SORCS2: variants seen among roughly 807,000 people sequenced by gnomAD.
SORCS2 encodes sortilin related VPS10 domain containing receptor 2.
In SORCS2, 100 loss-of-function variants were observed where a neutral mutation model predicts 141.6. The observed-to-expected ratio is 0.71, with a 90% CI of 0.60 to 0.83. The LOEUF is 0.83. SORCS2 is among the 40% of genes least tolerant of loss of function. SORCS2 has a pLI of 0.00. For synonymous variants in SORCS2, 789 were observed against 676.9 expected, an observed-to-expected ratio of 1.17 and a Z score of -2.57; for missense variants, 1,646 against 1,560.2, an observed-to-expected ratio of 1.05 and a Z score of -0.93.
At chr4:7,694,741 T>G (rs898602634) in intron 11 of SORCS2, among the ~76,000 whole-genome samples, 33 of 152,198 alleles carry the variant, frequency 2.2e-4, no homozygotes, top group African/African-American at 8.0e-4. Flanking sequence ...CACCTTTTGT[T>G]TGCCAGGCAC....
chr4:7,652,990 A>G (rs558780588), intron 4 of SORCS2, among the ~76,000 whole-genome samples: 1 of 149,954 alleles, frequency 6.7e-6, no homozygotes, highest in South Asian at 2.1e-4. Flanking sequence ...CCACAGGGAC[A>G]CCCTCCCAGG....
intron 3 of SORCS2, among the ~76,000 whole-genome samples, chr4:7,573,738 A>G (rs1011268938): frequency 2.6e-5 from 4 of 152,212 alleles, no homozygotes; most frequent in Non-Finnish European, 5.9e-5. Context: ...CACAGCACAT[A>G]GGACTAGGGG....
chr4:7,364,094 C>G (rs1377307688), intron 1 of SORCS2, among the ~76,000 whole-genome samples: 1 of 152,148 alleles, frequency 6.6e-6, no homozygotes, highest in East Asian at 1.9e-4. Flanking sequence ...ACCATTGTTA[C>G]TACCATCATC....
intron 2 of SORCS2, among the ~76,000 whole-genome samples, chr4:7,462,374 T>C (rs999901625): frequency 1.3e-5 from 2 of 152,208 alleles, no homozygotes; most frequent in South Asian, 4.1e-4. Flanking sequence ...ACGAAGGATC[T>C]AAAGACGGGC....
In SORCS2 at chr4:7,664,750, A is replaced by C. The variant is rs1271700721; in HGVS notation, c.1071+279A>C. Among the ~76,000 whole-genome samples, 2 of 152,014 alleles carry C rather than the reference A, an allele frequency of 1.3e-5. No individual in the cohort carries two copies. The highest frequency in any genetic ancestry group is 4.8e-5 in the African/African-American group (2 of 41,400). On this transcript the variant is annotated intron_variant, in intron 7 of 26. Transcript: ENST00000507866. This position sits in a 1 kb window ranked among gnomAD's most constrained non-coding sequence, Gnocchi z 4.7. ...ACTCGGGGTCCCCAAACCTAAGCCCATTTAGCCCCATTTGGCTTTATCAGT... is the reference window on the plus strand; with the variant it reads ...ACTCGGGGTCCCCAAACCTAAGCCCCTTTAGCCCCATTTGGCTTTATCAGT...
intron 3 of SORCS2, among the ~76,000 whole-genome samples, chr4:7,579,419 G>T (rs139163252): frequency 1.3e-5 from 2 of 152,116 alleles, no homozygotes; most frequent in Non-Finnish European, 2.9e-5. Flanking sequence ...TAGGAGGTAG[G>T]TGTTATTAAA....
chr4:7,258,142 TA>T (rs199759100), intron 1 of SORCS2, among the ~76,000 whole-genome samples: 3 of 152,202 alleles, frequency 2.0e-5, no homozygotes, highest in African/African-American at 7.2e-5. Context: ...CCTTTCTTTT[TA>T]AAAAAATTTT....
intron 1 of SORCS2, among the ~76,000 whole-genome samples, chr4:7,220,688 G>A (rs370335606): frequency 6.6e-6 from 1 of 152,142 alleles, no homozygotes; most frequent in South Asian, 2.1e-4. Context: ...TGAAGTGCTC[G>A]TGGCTCCCAT....
intron 3 of SORCS2, 128 bp downstream of exon 3, chr4:7,531,757 C>A: frequency 1.1e-6 from 1 of 887,348 alleles, no homozygotes; most frequent in Non-Finnish European, 1.8e-6. Context: ...TGAGATGTTT[C>A]CCTCCCAGCT....
intron 1 of SORCS2, among the ~76,000 whole-genome samples, chr4:7,237,337 G>C (rs539363921): frequency 6.6e-6 from 1 of 152,222 alleles, no homozygotes; most frequent in South Asian, 2.1e-4. Context: ...GCTCCTGGTG[G>C]CCTTCTGGTC....
intron 9 of SORCS2, among the ~76,000 whole-genome samples, chr4:7,678,836 A>T (rs1415578780): frequency 6.6e-6 from 1 of 151,976 alleles, no homozygotes; most frequent in East Asian, 1.9e-4. Flanking sequence ...ATGAACTGGT[A>T]TGTATTTGCT....
chr4:7,608,877 G>A (rs1342009664), intron 3 of SORCS2, among the ~76,000 whole-genome samples: 1 of 152,118 alleles, frequency 6.6e-6, no homozygotes, highest in Non-Finnish European at 1.5e-5. Flanking sequence ...CCCTCAGGGA[G>A]CTCCCATTCA....
intron 1 of SORCS2, among the ~76,000 whole-genome samples, chr4:7,214,886 G>A (rs1020665488): frequency 3.3e-5 from 5 of 152,158 alleles, no homozygotes; most frequent in African/African-American, 1.2e-4. Flanking sequence ...TGGACTTGAG[G>A]GACAGTGGGG....
At chr4:7,525,530 G>A (rs547844066) in intron 2 of SORCS2, among the ~76,000 whole-genome samples, 1 of 152,076 alleles carries the variant, frequency 6.6e-6, no homozygotes, top group South Asian at 2.1e-4. Flanking sequence ...CATGGCACCT[G>A]AGCAGTGTCA....
intron 3 of SORCS2, among the ~76,000 whole-genome samples, chr4:7,550,204 A>C (rs1398307430): frequency 6.6e-6 from 1 of 151,044 alleles, no homozygotes; most frequent in Non-Finnish European, 1.5e-5. Context: ...GGTCAACTGC[A>C]GTTGCCTCCC....
At chr4:7,697,719 G>T (rs922624623) in intron 12 of SORCS2, among the ~76,000 whole-genome samples, 2 of 151,592 alleles carry the variant, frequency 1.3e-5, no homozygotes, top group African/African-American at 2.4e-5. Context: ...GGGACTCCGG[G>T]TTCCTGGCAG....
At chr4:7,417,133 G>T (rs1206159609) in intron 2 of SORCS2, among the ~76,000 whole-genome samples, 1 of 152,146 alleles carries the variant, frequency 6.6e-6, no homozygotes, top group East Asian at 1.9e-4. Context: ...AGTAAACCTC[G>T]CTTGAGTGTG....
intron 19 of SORCS2, among the ~76,000 whole-genome samples, chr4:7,724,468 ATGG>A (rs1726916573): frequency 6.4e-5 from 2 of 31,188 alleles, no homozygotes; most frequent in Non-Finnish European, 1.2e-4. Context: ...GGTGGTGGTG[ATGG>A]TGATGGTGGT....
intron 3 of SORCS2, among the ~76,000 whole-genome samples, chr4:7,561,361 G>A (rs1714537184): frequency 6.7e-6 from 1 of 149,430 alleles, no homozygotes; most frequent in Non-Finnish European, 1.5e-5. Context: ...ACTAGCCTGG[G>A]GAGCTCCTGA....
Sources: gnomAD v4.1 joint callset for allele counts (sites outside exome capture counted in the v4.1 genomes callset) on GRCh38, gnomAD v4.1.1 for gene constraint, Gnocchi (gnomAD v3.1) non-coding constraint, MANE v1.5 for transcripts, NCBI Gene and HGNC (gene_info 2026-07-23, HGNC 2026-07-21) for gene names.